The following SNX29 variants were observed in gnomAD, a reference collection of about 807,000 sequenced individuals.
The protein encoded by SNX29 is sorting nexin-29.
SNX29 carries 78 observed loss-of-function variants against 102.1 expected under a neutral mutation model. The ratio of observed to expected loss-of-function variants is 0.76; its 90% CI spans 0.64 to 0.92. The LOEUF (loss-of-function observed/expected upper bound fraction) is 0.92. Among genes scored for constraint, SNX29 ranks in the 40% least tolerant of loss-of-function variants. The pLI is 0.00. For synonymous variants in SNX29, 580 were observed against 414.5 expected (o/e 1.40, Z -4.85); for missense variants, 1,280 against 1,061.7 (o/e 1.21, Z -2.86).
At chr16:12,488,424 G>A (rs1177667922) in intron 19 of SNX29, among the ~76,000 whole-genome samples, 2 of 150,974 alleles carry the variant, frequency 1.3e-5, no homozygotes, top group Admixed American at 1.3e-4. Context: ...CTGATTGACA[G>A]TTCTTCCTTC....
intron 3 of SNX29, 133 bp from the exon 4 acceptor site, chr16:12,027,187 T>A: frequency 9.5e-7 from 1 of 1,052,306 alleles, no homozygotes; most frequent in Non-Finnish European, 1.4e-6. Flanking sequence ...AGCCTGCACA[T>A]CCAGGTGTCT....
intron 13 of SNX29, among the ~76,000 whole-genome samples, chr16:12,176,222 C>G (rs2076256933): frequency 6.6e-6 from 1 of 152,204 alleles, no homozygotes; most frequent in Non-Finnish European, 1.5e-5. Flanking sequence ...TGCCCAGTCT[C>G]TGGTATTTTG....
rs116001877 is a variant in SNX29, at chr16:12,565,818, T to G, written c.2319-2688T>G. Among the ~76,000 whole-genome samples the G allele has an allele frequency of 6.3e-4, 96 of 152,240 alleles. 1 individual carries two copies. Among genetic ancestry groups the G allele is most frequent in the African/African-American group, 2.2e-3 (91 of 41,546 alleles). Reference sequence around the variant, plus strand: ...TTTACACAGCAACCCTCAGCTCACTTCTGGTCACCCTCCACACCTCTGCCT... The same window carrying G: ...TTTACACAGCAACCCTCAGCTCACTGCTGGTCACCCTCCACACCTCTGCCT... On this transcript the variant is annotated intron_variant, in intron 20 of 20. Coordinates refer to ENST00000566228, the MANE Select transcript of SNX29 (RefSeq NM_032167.5).
chr16:12,338,089 G>A (rs1309196190), intron 15 of SNX29, among the ~76,000 whole-genome samples: 3 of 152,196 alleles, frequency 2.0e-5, no homozygotes, highest in South Asian at 2.1e-4. Flanking sequence ...TATTTTCTTA[G>A]CATAAGTAGA....
chr16:12,056,582 G>A (rs1011032609), intron 8 of SNX29, among the ~76,000 whole-genome samples: 6 of 152,172 alleles, frequency 3.9e-5, no homozygotes, highest in African/African-American at 1.4e-4. Flanking sequence ...ACTGTGGATT[G>A]CCACAGTGTC....
intron 16 of SNX29, chr16:12,373,901 G>T (rs911682773): frequency 2.0e-5 from 3 of 152,232 alleles, no homozygotes; most frequent in Non-Finnish European, 4.4e-5. Context: ...GATATCATAT[G>T]TTGCCCGCCT....
intron 11 of SNX29, among the ~76,000 whole-genome samples, chr16:12,121,267 C>A (rs937041717): frequency 6.6e-6 from 1 of 152,228 alleles, no homozygotes; most frequent in South Asian, 2.1e-4. Flanking sequence ...ATGGGAATCA[C>A]TGAACTCTAC....
intron 18 of SNX29, among the ~76,000 whole-genome samples, chr16:12,427,549 T>C (rs59818227): frequency 0.058 from 8,859 of 152,266 alleles, 449 homozygotes; most frequent in East Asian, 0.29. Context: ...ACTTTAGGTA[T>C]AGGAATTGCT....
intron 3 of SNX29, among the ~76,000 whole-genome samples, chr16:12,008,975 C>G (rs2056554566): frequency 6.6e-6 from 1 of 151,958 alleles, no homozygotes; most frequent in Non-Finnish European, 1.5e-5. Flanking sequence ...CACCTGACCT[C>G]AAGTGATCCA....
intron 11 of SNX29, among the ~76,000 whole-genome samples, chr16:12,117,109 C>A (rs1040681007): frequency 6.9e-6 from 1 of 144,054 alleles, no homozygotes; most frequent in Non-Finnish European, 1.5e-5. Context: ...TGCTTCAGTG[C>A]GGACGAACCA....
At chr16:12,365,598 G>A (rs2082443106) in intron 16 of SNX29, among the ~76,000 whole-genome samples, 1 of 151,710 alleles carries the variant, frequency 6.6e-6, no homozygotes, top group East Asian at 1.9e-4. Context: ...GCTGAGGCAG[G>A]AGAATCGCTT....
intron 14 of SNX29, among the ~76,000 whole-genome samples, chr16:12,237,436 G>A (rs1205054883): frequency 6.6e-6 from 1 of 152,210 alleles, no homozygotes; most frequent in Non-Finnish European, 1.5e-5. Flanking sequence ...TGACCATCAT[G>A]TTGCTGTTCT....
chr16:12,032,032 C>G (rs1385085233), intron 4 of SNX29, among the ~76,000 whole-genome samples: 1 of 152,090 alleles, frequency 6.6e-6, no homozygotes, highest in East Asian at 1.9e-4. Flanking sequence ...CACCCCTGTC[C>G]CTGGCAGCCA....
At chr16:12,192,042 A>C (rs1489002439) in intron 13 of SNX29, among the ~76,000 whole-genome samples, 1 of 152,154 alleles carries the variant, frequency 6.6e-6, no homozygotes, top group East Asian at 1.9e-4. Context: ...AGAATTACCA[A>C]ATGTACTTAC....
At position 12,572,420 on chromosome 16, in the gene SNX29, C is replaced by T. The variant is rs1277921498; in HGVS notation, c.*3791C>T. On this transcript the variant is annotated 3_prime_UTR_variant, in exon 21 of 21. Coordinates refer to ENST00000566228, the MANE Select transcript of SNX29 (RefSeq NM_032167.5). Reference sequence around the variant, plus strand: ...CTGAGGCAGGGCTCTGTGGCCCAGGCCGGCAGTGGCTGCCTCTCTTGGTTC... The same window carrying T: ...CTGAGGCAGGGCTCTGTGGCCCAGGTCGGCAGTGGCTGCCTCTCTTGGTTC... 5 of 1,063,766 alleles carry T rather than the reference C, an allele frequency of 4.7e-6. No individual in the cohort carries two copies. The Admixed American group carries it at 1.6e-4, about 34-fold the overall frequency. 65.9% of individuals were successfully genotyped at this position (1,063,766 alleles called of 1,614,324 possible).
At chr16:12,204,546 A>G (rs1427266442) in intron 14 of SNX29, among the ~76,000 whole-genome samples, 1 of 152,208 alleles carries the variant, frequency 6.6e-6, no homozygotes, top group Non-Finnish European at 1.5e-5. Flanking sequence ...TCTCCTCGGC[A>G]TCCCCATTTA....
At chr16:12,025,569 G>C (rs930445866) in intron 3 of SNX29, among the ~76,000 whole-genome samples, 6 of 152,188 alleles carry the variant, frequency 3.9e-5, no homozygotes, top group African/African-American at 1.4e-4. Context: ...GTATGGTTGA[G>C]GGGAAGTATT....
chr16:12,133,898 T>G (rs2054564364), intron 13 of SNX29, among the ~76,000 whole-genome samples: 1 of 152,210 alleles, frequency 6.6e-6, no homozygotes, highest in African/African-American at 2.4e-5. Flanking sequence ...AGTTCATGGT[T>G]GTAAAACTGA....
chr16:12,543,952 C>G (rs1218485589), intron 20 of SNX29, among the ~76,000 whole-genome samples: 2 of 152,164 alleles, frequency 1.3e-5, no homozygotes, highest in African/African-American at 4.8e-5. Context: ...AGCGAGGAGC[C>G]TATCTGCTGG....
Sources: gnomAD v4.1 joint callset for allele counts (sites outside exome capture counted in the v4.1 genomes callset) on GRCh38, gnomAD v4.1.1 for gene constraint, MANE v1.5 for transcripts, NCBI Gene and HGNC (gene_info 2026-07-23, HGNC 2026-07-21) for gene names.